The following RXRA variants were observed in gnomAD, a reference collection of about 807,000 sequenced individuals.
RXRA encodes retinoid X receptor alpha, also known as retinoic acid receptor RXR-alpha.
A neutral mutation model predicts 44.5 loss-of-function variants in RXRA; 5 were observed. That is an observed-to-expected ratio of 0.11 (90% CI 0.06 to 0.24). The LOEUF is 0.24. Ranked by LOEUF, RXRA falls within the 10% of genes least tolerant of loss-of-function variation. The pLI is 1.00. For missense variants in RXRA, 412 were observed against 646.5 expected, an observed-to-expected ratio of 0.64 and a Z score of 3.93; for synonymous variants, 291 against 271.4, an observed-to-expected ratio of 1.07 and a Z score of -0.71.
chr9:134,402,207 C>T (rs1467209984), intron 2 of RXRA: 2 of 383,530 alleles, frequency 5.2e-6, no homozygotes, highest in South Asian at 3.9e-5. Flanking sequence ...AGGCTGTGGC[C>T]TCCCTCAGGC....
At chr9:134,337,769 C>T (rs1830028431) in intron 1 of RXRA, among the ~76,000 whole-genome samples, 1 of 152,164 alleles carries the variant, frequency 6.6e-6, no homozygotes. Context: ...GCTGACTCTG[C>T]CTTCCCTTGC....
intron 1 of RXRA, among the ~76,000 whole-genome samples, chr9:134,381,814 G>A (rs550480756): frequency 1.5e-3 from 231 of 152,262 alleles, no homozygotes; most frequent in Non-Finnish European, 2.6e-3. Flanking sequence ...GCCCAGCAGG[G>A]GCGCACTGCA....
At chr9:134,400,855 G>A (rs1327965447) in intron 1 of RXRA, among the ~76,000 whole-genome samples, 3 of 152,148 alleles carry the variant, frequency 2.0e-5, no homozygotes, top group Non-Finnish European at 4.4e-5. Context: ...CACCGCCCAC[G>A]TGAGAGGTGC....
intron 1 of RXRA, among the ~76,000 whole-genome samples, chr9:134,391,946 T>C (rs1418437484): frequency 1.3e-5 from 2 of 152,212 alleles, no homozygotes; most frequent in African/African-American, 4.8e-5. Context: ...TGAGCTCATG[T>C]AATGAAATGT....
In RXRA at chr9:134,355,656, G is replaced by C. The variant is rs79250665; in HGVS notation, c.28+28997G>C. Among the ~76,000 whole-genome samples the C allele has an allele frequency of 3.3e-3, 502 of 152,310 alleles. 4 individuals are homozygous for C. Among genetic ancestry groups the C allele is most frequent in the African/African-American group, 0.011 (466 of 41,560 alleles). ...AAGCTGCCCTCTGCAGCCAGGCTGA[G>C]GACCCAGAGGCCGGGGAGCTGTGTG... On this transcript the variant is annotated intron_variant, in intron 1 of 9. Coordinates refer to ENST00000481739, the MANE Select transcript of RXRA (RefSeq NM_002957.6).
At chr9:134,393,201 C>G (rs1830826010) in intron 1 of RXRA, among the ~76,000 whole-genome samples, 1 of 152,078 alleles carries the variant, frequency 6.6e-6, no homozygotes, top group Non-Finnish European at 1.5e-5. Flanking sequence ...CATGAGCGAC[C>G]TGGGCGCTCT....
Position 134,429,206 on chromosome 9 carries a change from G to T in RXRA, c.1009G>T (p.Ala337Ser), listed in dbSNP as rs1025445258. The change falls in exon 7 of 10, where the codon GCC (alanine) becomes TCC (serine). Residue 337 changes from alanine to serine, a missense_variant. Ala to Ser is a moderately conservative substitution (Grantham distance 99, BLOSUM62 1). Around this residue, in one of 4 missense-constraint regions of RXRA, gnomAD observed 141 missense variants for 270.8 expected, o/e 0.52. Transcript: ENST00000481739. ...CGGGCTGCACGTCCACCGGAACAGC[G>T]CCCACAGCGCAGGGGTGGGCGCCAT... ...ATGLHVHRNS[A>S]HSAGVGAIFD... is the part of the protein sequence containing the mutation. 2.5e-6 allele frequency: 4 copies of T among 1,612,838 alleles called. No individual in the cohort carries two copies. The highest frequency in any genetic ancestry group is 3.4e-6 in the Non-Finnish European group (4 of 1,179,914).
intron 7 of RXRA, 146 bp downstream of exon 7, chr9:134,429,386 A>C: frequency 1.1e-6 from 1 of 901,720 alleles, no homozygotes; most frequent in Non-Finnish European, 1.6e-6. Context: ...AGAGAAAAGC[A>C]TGAGGAGGAG....
At chr9:134,377,517 G>A (rs1376570661) in intron 1 of RXRA, among the ~76,000 whole-genome samples, 1 of 152,120 alleles carries the variant, frequency 6.6e-6, no homozygotes, top group East Asian at 1.9e-4. Flanking sequence ...TGCACAGCTG[G>A]GTGAAGTCTC....
At chr9:134,347,964 C>T (rs11185656) in intron 1 of RXRA, among the ~76,000 whole-genome samples, 52,540 of 151,716 alleles carry the variant, frequency 0.35, 9,616 homozygotes, top group African/African-American at 0.46. Flanking sequence ...GAGGGGAGTC[C>T]GTGGCCACTT....
rs917036926 is a variant in RXRA at position 134,366,475 on chromosome 9, G to T, written c.29-35157G>T. Reference sequence around the variant, plus strand: ...ACACAGCGGTGTCGGTGGCAGAGTGGCCTGGCCACGGCGAGCTCCTGGCGG... The same window carrying T: ...ACACAGCGGTGTCGGTGGCAGAGTGTCCTGGCCACGGCGAGCTCCTGGCGG... On this transcript the variant is annotated intron_variant, in intron 1 of 9. Transcript: ENST00000481739. The surrounding 1 kb of genome is among the most constrained non-coding windows in gnomAD (Gnocchi z 5.9). Among the ~76,000 whole-genome samples the T allele has an allele frequency of 2.0e-5, 3 of 152,158 alleles. No homozygotes were observed. The highest frequency in any genetic ancestry group is 4.4e-5 in the Non-Finnish European group (3 of 68,022).
intron 1 of RXRA, chr9:134,379,984 C>A: frequency 3.0e-6 from 3 of 985,342 alleles, no homozygotes; most frequent in Non-Finnish European, 2.4e-6. Context: ...TCGGGGCTGT[C>A]GGAGCTTCAG....
At chr9:134,373,059 G>A (rs1236165645) in intron 1 of RXRA, among the ~76,000 whole-genome samples, 1 of 152,208 alleles carries the variant, frequency 6.6e-6, no homozygotes, top group Admixed American at 6.5e-5. Flanking sequence ...AGCAGGGGAG[G>A]GGCCCTGGAG....
chr9:134,327,607 A>G (rs1834936304), intron 1 of RXRA, among the ~76,000 whole-genome samples: 2 of 152,100 alleles, frequency 1.3e-5, no homozygotes, highest in Admixed American at 1.3e-4. Context: ...GAAACAGCTG[A>G]TTATGAATGA....
chr9:134,390,911 G>A (rs1415782415), intron 1 of RXRA, among the ~76,000 whole-genome samples: 2 of 152,178 alleles, frequency 1.3e-5, no homozygotes, highest in African/African-American at 4.8e-5. Context: ...CTTATGGCAC[G>A]GGTGTGGAGG....
chr9:134,401,845 C>A lies in RXRA; in HGVS notation c.242C>A (p.Thr81Asn), dbSNP rs547455563. 6.2e-7 allele frequency: 1 copy of A among 1,611,950 alleles called. No homozygotes were observed. The highest frequency in any genetic ancestry group is 1.1e-5 in the South Asian group (1 of 91,022). ...GGCCCCCACTCCATGTCGGTGCCCA[C>A]CACACCCACCCTGGGCTTCAGCACT... ...PMGPHSMSVPTTPTLGFSTGS... is the reference protein window; with the variant it reads ...PMGPHSMSVPNTPTLGFSTGS... Residue 81 changes from threonine to asparagine, a missense_variant, in exon 2 of 10, where the codon ACC becomes AAC. This residue lies in a region of RXRA where 156 missense variants were observed against 177.2 expected (regional missense o/e 0.88). Coordinates refer to ENST00000481739, the MANE Select transcript of RXRA (RefSeq NM_002957.6).
At chr9:134,330,655 G>A (rs1834989605) in intron 1 of RXRA, among the ~76,000 whole-genome samples, 1 of 152,206 alleles carries the variant, frequency 6.6e-6, no homozygotes, top group South Asian at 2.1e-4. Context: ...TTACCTGCAG[G>A]ATGGAGGTGG....
intron 1 of RXRA, among the ~76,000 whole-genome samples, chr9:134,381,613 C>T (rs549626768): frequency 6.6e-6 from 1 of 152,078 alleles, no homozygotes; most frequent in African/African-American, 2.4e-5. Context: ...TCCTCCATGG[C>T]CACAAGGCCC....
Position 134,417,176 on chromosome 9 carries a change from A to C in RXRA, c.629A>C (p.Gln210Pro), listed in dbSNP as rs1384511669. 1 of 1,612,428 alleles carries C rather than the reference A, an allele frequency of 6.2e-7. No homozygotes were observed. The highest frequency in any genetic ancestry group is 1.1e-5 in the South Asian group (1 of 91,076). Residue 210 changes from glutamine to proline, a missense_variant, in exon 5 of 10, where the codon CAG becomes CCG. Around this residue, in one of 4 missense-constraint regions of RXRA, gnomAD observed 48 missense variants for 119.9 expected, o/e 0.40. Coordinates refer to ENST00000481739, the MANE Select transcript of RXRA (RefSeq NM_002957.6). The surrounding 1 kb of genome is among the most constrained non-coding windows in gnomAD (Gnocchi z 6.1). Reference sequence around the variant, plus strand: ...GTTGTAGCCGTGCAGGAGGAGCGGCAGCGTGGCAAGGACCGGAACGAGAAT... The same window carrying C: ...GTTGTAGCCGTGCAGGAGGAGCGGCCGCGTGGCAAGGACCGGAACGAGAAT... ...MKREAVQEERQRGKDRNENEV... is the reference protein window; with the variant it reads ...MKREAVQEERPRGKDRNENEV...
Sources: gnomAD v4.1 joint callset for allele counts (sites outside exome capture counted in the v4.1 genomes callset) on GRCh38, gnomAD v4.1.1 for gene constraint, gnomAD v4.1.1 regional missense constraint, Gnocchi (gnomAD v3.1) non-coding constraint, MANE v1.5 for transcripts, NCBI Gene and HGNC (gene_info 2026-07-23, HGNC 2026-07-21) for gene names.